Variants in NTRK1 observed in about 807,000 individuals in gnomAD.
The protein encoded by NTRK1 is high affinity nerve growth factor receptor.
A neutral mutation model predicts 86.8 loss-of-function variants in NTRK1; 62 were observed. The observed-to-expected ratio is 0.71, with a 90% CI of 0.58 to 0.88. The LOEUF (loss-of-function observed/expected upper bound fraction) is 0.88. Ranked by LOEUF, NTRK1 falls within the 40% of genes least tolerant of loss-of-function variation. NTRK1 has a pLI of 0.00. For missense variants in NTRK1, 967 were observed against 1,078.4 expected, an observed-to-expected ratio of 0.90 and a Z score of 1.45; for synonymous variants, 469 against 456.6, an observed-to-expected ratio of 1.03 and a Z score of -0.35.
At chr1:156,838,963 C>A (rs938851192) in intron 1 of NTRK1, among the ~76,000 whole-genome samples, 1 of 152,248 alleles carries the variant, frequency 6.6e-6, no homozygotes, top group Non-Finnish European at 1.5e-5. Flanking sequence ...CGTGGAGTCT[C>A]TCTACCCTTT....
At chr1:156,836,385 G>C (rs991137743) in intron 1 of NTRK1, among the ~76,000 whole-genome samples, 2 of 152,158 alleles carry the variant, frequency 1.3e-5, no homozygotes, top group African/African-American at 4.8e-5. Flanking sequence ...TCCACACCCT[G>C]CTCTATTTCT....
In NTRK1 at chr1:156,874,553, T is replaced by G; in HGVS notation, c.1196-18T>G. ...AGTGTGTGTCAAGGCTCACCCCTCC[T>G]GCCCTGTGTCCCTACAGACACTAAC... On this transcript the variant is annotated intron_variant, in intron 9 of 16. Transcript: ENST00000524377. 1 of 1,613,834 alleles carries G rather than the reference T, an allele frequency of 6.2e-7. No homozygotes were observed. The highest frequency in any genetic ancestry group is 8.5e-7 in the Non-Finnish European group (1 of 1,179,748).
At chr1:156,822,120 T>G (rs953344780) in intron 1 of NTRK1, among the ~76,000 whole-genome samples, 9 of 152,124 alleles carry the variant, frequency 5.9e-5, no homozygotes, top group African/African-American at 1.9e-4. Flanking sequence ...AAGAGTCAAT[T>G]AAAAGAATCT....
At chr1:156,842,535 C>A in intron 2 of NTRK1, 4 of 1,575,378 alleles carry the variant, frequency 2.5e-6, no homozygotes, top group Middle Eastern at 1.7e-4. Flanking sequence ...GCCTAGCAGA[C>A]CCCCTAGTTC....
intron 1 of NTRK1, among the ~76,000 whole-genome samples, chr1:156,824,396 T>C (rs1654269357): frequency 6.6e-6 from 1 of 152,200 alleles, no homozygotes; most frequent in Admixed American, 6.5e-5. Context: ...CCAGAGGACA[T>C]ACATGTGGAT....
At chr1:156,841,149 G>T in intron 1 of NTRK1, 1 of 1,433,134 alleles carries the variant, frequency 7.0e-7, no homozygotes, top group Non-Finnish European at 9.6e-7. Flanking sequence ...GGGAGCCCCT[G>T]CCACGCTCTC....
chr1:156,879,710 A>G (rs1032964477), intron 15 of NTRK1, among the ~76,000 whole-genome samples: 10 of 152,108 alleles, frequency 6.6e-5, no homozygotes, highest in African/African-American at 2.4e-4. Flanking sequence ...CCCTGGTTCA[A>G]GCGATTCTCC....
chr1:156,844,412 C>T lies in NTRK1; in HGVS notation c.50+2219C>T, dbSNP rs761387110. The T allele has an allele frequency of 1.1e-4, 175 of 1,589,694 alleles. No individual in the cohort carries two copies. The Middle Eastern group carries it at 1.7e-3, about 16-fold the overall frequency. On this transcript the variant is annotated intron_variant, in intron 2 of 16. Coordinates refer to the NTRK1 transcript ENST00000392302. Reference sequence around the variant, plus strand: ...GGAGGGGCCTGTGGTGGGCTGGGGACCAGGTAGGGCTGTTCGGTGATACAG... The same window carrying T: ...GGAGGGGCCTGTGGTGGGCTGGGGATCAGGTAGGGCTGTTCGGTGATACAG...
At position 156,842,107 on chromosome 1, in the gene NTRK1, TG is replaced by T. The variant is rs1451820799; in HGVS notation, c.-36del. The T allele has an allele frequency of 2.5e-6, 4 of 1,613,944 alleles. No homozygotes were observed. The highest frequency in any genetic ancestry group is 3.4e-6 in the Non-Finnish European group (4 of 1,179,954). On this transcript the variant is annotated 5_prime_UTR_variant, in exon 2 of 17. Coordinates refer to the NTRK1 transcript ENST00000392302. Reference sequence around the variant, plus strand: ...CCGCCCTCATCTGCCTGGCACCCTCTGTACCCCCGATCTTGACGGTGAAGTC... The same window carrying T: ...CCGCCCTCATCTGCCTGGCACCCTCTTACCCCCGATCTTGACGGTGAAGTC...
At chr1:156,860,289 G>T (rs1293953078), upstream of NTRK1, among the ~76,000 whole-genome samples, 1 of 152,232 alleles carries the variant, frequency 6.6e-6, no homozygotes, top group Non-Finnish European at 1.5e-5. Flanking sequence ...TTGGAGGCGC[G>T]GTCTTGGCTC....
intron 1 of NTRK1, chr1:156,816,579 T>C (rs958509580): frequency 3.7e-6 from 5 of 1,360,102 alleles, no homozygotes; most frequent in Non-Finnish European, 5.1e-6. Context: ...GTGGGGCCCC[T>C]CATCCCTGAA....
At position 156,869,232 on chromosome 1, in the gene NTRK1, A is replaced by T. The variant is rs1647400579; in HGVS notation, c.717+585A>T. ...GTAGCTGGGAGTACAGGCACGCGCCACCATGCCCAGCTAATTTTTGTATTT... is the reference window on the plus strand; with the variant it reads ...GTAGCTGGGAGTACAGGCACGCGCCTCCATGCCCAGCTAATTTTTGTATTT... On this transcript the variant is annotated intron_variant, in intron 6 of 16. Coordinates refer to ENST00000524377, the MANE Select transcript of NTRK1 (RefSeq NM_002529.4). Among the ~76,000 whole-genome samples, 5 of 152,138 alleles carry T rather than the reference A, an allele frequency of 3.3e-5. No homozygotes were observed. The South Asian group carries it at 1.0e-3, about 32-fold the overall frequency.
At chr1:156,832,565 G>A (rs1040832719) in intron 1 of NTRK1, among the ~76,000 whole-genome samples, 5 of 152,170 alleles carry the variant, frequency 3.3e-5, no homozygotes, top group African/African-American at 1.2e-4. Flanking sequence ...AGTGGAGGAT[G>A]CTGAGTCGCA....
At chr1:156,861,426 G>A (rs1655647759) in intron 1 of NTRK1, among the ~76,000 whole-genome samples, 1 of 152,208 alleles carries the variant, frequency 6.6e-6, no homozygotes, top group Non-Finnish European at 1.5e-5. Context: ...GTCTGAGAGA[G>A]CCTAGCCGTC....
intron 6 of NTRK1, among the ~76,000 whole-genome samples, chr1:156,870,925 A>G (rs1375919059): frequency 1.3e-5 from 2 of 152,232 alleles, no homozygotes; most frequent in African/African-American, 2.4e-5. Flanking sequence ...ATTCAGAATC[A>G]AGTCACTTTG....
chr1:156,874,030 A>G (rs2102906912), intron 8 of NTRK1, 71 bp downstream of exon 8: 1 of 1,458,444 alleles, frequency 6.9e-7, no homozygotes, highest in Non-Finnish European at 9.4e-7. Flanking sequence ...TTCCTGCTAT[A>G]GCCCTGACCC....
At chr1:156,851,272 C>A in intron 2 of NTRK1, 1 of 1,613,994 alleles carries the variant, frequency 6.2e-7, no homozygotes, top group South Asian at 1.1e-5. Flanking sequence ...AGGAGCTGGT[C>A]AGAGGCCTAA....
rs142758140 is a variant in NTRK1, at chr1:156,841,463, T to C, written c.-63-618T>C. 1,040 of 1,613,940 alleles carry C rather than the reference T, an allele frequency of 6.4e-4. 1 individual carries two copies. Among genetic ancestry groups the C allele is most frequent in the Admixed American group, 8.7e-4 (52 of 60,006 alleles). The stretch of plus-strand genomic sequence containing the variant: ...CATGACGAACTTCAGCACCTGCTCA[T>C]TGGACAGGCCCTGGTAGGGTTGTTC... On this transcript the variant is annotated intron_variant, in intron 1 of 16. Transcript: ENST00000392302.
At chr1:156,860,675 C>A, upstream of NTRK1, 2 of 529,520 alleles carry the variant, frequency 3.8e-6, no homozygotes, top group Non-Finnish European at 6.1e-6. Flanking sequence ...CAGCGTCTGC[C>A]GGAGCTGAGG....
Sources: allele counts gnomAD v4.1 joint callset (sites outside exome capture counted in the v4.1 genomes callset), GRCh38; gene constraint gnomAD v4.1.1; transcripts MANE v1.5; gene names NCBI Gene and HGNC (gene_info 2026-07-23, HGNC 2026-07-21).